PPP6R1: variants seen among roughly 807,000 people sequenced by gnomAD.
PPP6R1 encodes the protein serine/threonine-protein phosphatase 6 regulatory subunit 1.
PPP6R1 carries 39 observed loss-of-function variants against 104.6 expected under a neutral mutation model. The observed-to-expected ratio is 0.37, with a 90% confidence interval of 0.29 to 0.49. The LOEUF (loss-of-function observed/expected upper bound fraction) is 0.49, where lower values mean the gene tolerates loss of function less well. PPP6R1 is among the 20% of genes least tolerant of loss of function. The pLI, the probability that PPP6R1 is intolerant of heterozygous loss-of-function variation, is 0.98. For synonymous variants in PPP6R1, 549 were observed against 479.0 expected (o/e 1.15, Z -1.91); for missense variants, 1,181 against 1,155.8 (o/e 1.02, Z -0.32).
chr19:55,230,620 C>G lies in PPP6R1; in HGVS notation c.2635G>C (p.Gly879Arg). Residue 879 changes from glycine to arginine, a missense_variant, in exon 23 of 24, where the codon GGC becomes CGC. Around this residue, in one of 2 missense-constraint regions of PPP6R1, gnomAD observed 1,042 missense variants for 955.6 expected, o/e 1.09. Transcript: ENST00000412770. The stretch of plus-strand genomic sequence containing the variant: ...GGCTGCAGCCACACTCACTGGGAGC[C>G]TGGGGATGCAGGCCCTTCCGGGGCA... ...GSAPEGPASP[G>R]SQ The G allele has an allele frequency of 6.2e-7, 1 of 1,612,306 alleles. No homozygotes were observed. Among genetic ancestry groups the G allele is most frequent in the East Asian group, 2.2e-5 (1 of 44,842 alleles).
At chr19:55,228,320 C>T (rs191683509), downstream of PPP6R1, 6 of 1,613,854 alleles carry the variant, frequency 3.7e-6, no homozygotes, top group East Asian at 4.5e-5. Flanking sequence ...AGGCAGAGGA[C>T]GGGCAGGCAC....
chr19:55,239,133 G>C (rs2087425185), intron 15 of PPP6R1: 1 of 461,930 alleles, frequency 2.2e-6, no homozygotes, highest in Admixed American at 3.4e-5. Flanking sequence ...GACCCGCTCT[G>C]TGTCCCCAGC....
At chr19:55,255,883 C>G (rs1736258334) in intron 1 of PPP6R1, 1 of 152,486 alleles carries the variant, frequency 6.6e-6, no homozygotes, top group South Asian at 2.1e-4. Context: ...CAGCATCCCG[C>G]AGTCACCCTG....
At chr19:55,242,603 A>C in intron 5 of PPP6R1, 115 bp from the exon 6 acceptor site, 1 of 833,544 alleles carries the variant, frequency 1.2e-6, no homozygotes, top group Non-Finnish European at 2.0e-6. Context: ...TCACCCAGAC[A>C]CAGGGACACG....
At chr19:55,228,403 A>G (rs1414888764), downstream of PPP6R1, 13 of 1,613,350 alleles carry the variant, frequency 8.1e-6, no homozygotes, top group Non-Finnish European at 1.0e-5. Flanking sequence ...GCAGGAGAGG[A>G]TGAAGGGGCT....
At chr19:55,238,200 C>T (rs771814990) in intron 15 of PPP6R1, among the ~76,000 whole-genome samples, 3 of 152,086 alleles carry the variant, frequency 2.0e-5, no homozygotes, top group Non-Finnish European at 4.4e-5. Flanking sequence ...GTGTCCAGCC[C>T]AGTTTTCACT....
At chr19:55,243,595 G>C (rs1239458918) in intron 5 of PPP6R1, among the ~76,000 whole-genome samples, 2 of 152,014 alleles carry the variant, frequency 1.3e-5, no homozygotes, top group Non-Finnish European at 2.9e-5. Flanking sequence ...AGCCCAGGGG[G>C]GTCAAGGCTA....
intron 5 of PPP6R1, among the ~76,000 whole-genome samples, chr19:55,244,528 G>A (rs1423610505): frequency 1.3e-5 from 2 of 152,236 alleles, no homozygotes; most frequent in South Asian, 2.1e-4. Flanking sequence ...AGGCCAGGGT[G>A]GGCAGGGACG....
At position 55,239,818 on chromosome 19, in the gene PPP6R1, G is replaced by A; in HGVS notation, c.1563+8C>T. On this transcript the variant is annotated splice_region_variant and intron_variant, in intron 13 of 23. Coordinates refer to ENST00000412770, the MANE Select transcript of PPP6R1 (RefSeq NM_014931.4). ...AGGAGGAGTGCAGGAAGAGAAGCTGGGCCTCACCAGGTCCACCATGTTCTT... is the reference window on the plus strand; with the variant it reads ...AGGAGGAGTGCAGGAAGAGAAGCTGAGCCTCACCAGGTCCACCATGTTCTT... The A allele has an allele frequency of 6.2e-7, 1 of 1,613,426 alleles. No homozygotes were observed.
At position 55,246,930 on chromosome 19, in the gene PPP6R1, C is replaced by T; in HGVS notation, c.174G>A (p.Val58=). The T allele has an allele frequency of 6.2e-7, 1 of 1,613,670 alleles. No homozygotes were observed. Among genetic ancestry groups the T allele is most frequent in the Non-Finnish European group, 8.5e-7 (1 of 1,179,788 alleles). ...CTGGCGGCTCCTGGGTGACCCAGGC[C>T]ACCATTGCTTGCAGGTGGGGTGGCT... ...LLQPPHLQAM[V]AWVTQEPPDS... is the part of the protein sequence containing the mutation. Residue 58 remains valine (V), a synonymous_variant, in exon 2 of 24, where the codon GTG becomes GTA. Transcript: ENST00000412770.
rs2087355950 is a variant in PPP6R1, at chr19:55,232,213, T to C, written c.1989-2A>G. 6.5e-7 allele frequency: 1 copy of C among 1,541,470 alleles called. No homozygotes were observed. Among genetic ancestry groups the C allele is most frequent in the African/African-American group, 1.4e-5 (1 of 73,064 alleles). Reference sequence around the variant, plus strand: ...TCACTGTCTGTGCTGCCTCCACTCCTGCCCCAGAAACCACCTCGTCAGCTA... The same window carrying C: ...TCACTGTCTGTGCTGCCTCCACTCCCGCCCCAGAAACCACCTCGTCAGCTA... On this transcript the variant is annotated splice_acceptor_variant, in intron 17 of 23. Transcript: ENST00000412770. LOFTEE classifies it high-confidence loss of function.
chr19:55,237,285 G>A (rs1287024645), intron 15 of PPP6R1, among the ~76,000 whole-genome samples: 1 of 152,150 alleles, frequency 6.6e-6, no homozygotes, highest in Non-Finnish European at 1.5e-5. Context: ...AAGGACAGGT[G>A]CCAGAGAGGG....
intron 10 of PPP6R1, 58 bp downstream of exon 10, chr19:55,240,887 A>G: frequency 6.4e-7 from 1 of 1,571,656 alleles, no homozygotes; most frequent in Non-Finnish European, 8.6e-7. Flanking sequence ...GCCTCTGGAG[A>G]GGGTGCGCCC....
intron 5 of PPP6R1, among the ~76,000 whole-genome samples, chr19:55,244,177 G>C (rs1242412486): frequency 6.6e-6 from 1 of 152,182 alleles, no homozygotes; most frequent in African/African-American, 2.4e-5. Context: ...GTCCTCACAG[G>C]GACAGGCCCC....
intron 10 of PPP6R1, among the ~76,000 whole-genome samples, chr19:55,240,625 A>T (rs548407252): frequency 7.3e-6 from 1 of 136,600 alleles, no homozygotes; most frequent in Non-Finnish European, 1.6e-5. Context: ...ACTCACACAC[A>T]TACATGCTCT....
intron 21 of PPP6R1, 104 bp from the exon 22 acceptor site, chr19:55,230,988 GC>G: frequency 1.0e-6 from 1 of 986,442 alleles, no homozygotes; most frequent in Non-Finnish European, 1.5e-6. Context: ...GTGTGTGTCT[GC>G]CACCTGCCCC....
intron 1 of PPP6R1, among the ~76,000 whole-genome samples, chr19:55,247,738 C>T (rs2087522218): frequency 6.6e-6 from 1 of 152,198 alleles, no homozygotes; most frequent in Admixed American, 6.5e-5. Flanking sequence ...CATCTCCAGG[C>T]TGTGGCCGTT....
chr19:55,256,529 G>A (rs2087594840), intron 1 of PPP6R1, among the ~76,000 whole-genome samples: 1 of 152,216 alleles, frequency 6.6e-6, no homozygotes, highest in Non-Finnish European at 1.5e-5. Context: ...TCGAAAGAAC[G>A]GCCAGGTGTG....
chr19:55,234,847 T>G (rs112553233), intron 17 of PPP6R1, among the ~76,000 whole-genome samples: 4 of 152,248 alleles, frequency 2.6e-5, no homozygotes, highest in African/African-American at 9.6e-5. Flanking sequence ...TAAAAGGAGA[T>G]GCTGTATGCT....
Sources: gnomAD v4.1 joint callset for allele counts (sites outside exome capture counted in the v4.1 genomes callset) on GRCh38, gnomAD v4.1.1 for gene constraint, gnomAD v4.1.1 regional missense constraint, MANE v1.5 for transcripts, NCBI Gene and HGNC (gene_info 2026-07-23, HGNC 2026-07-21) for gene names.